The following DPYD variants were observed in gnomAD, a reference collection of about 807,000 sequenced individuals.
DPYD encodes the protein dihydropyrimidine dehydrogenase.
Under a neutral mutation model 116.2 loss-of-function variants are expected in DPYD, and 109 were observed. The ratio of observed to expected loss-of-function variants is 0.94; its 90% CI spans 0.80 to 1.10. DPYD has a LOEUF of 1.10. DPYD is among the 50% of genes least tolerant of loss of function. The pLI is 0.00. For synonymous variants in DPYD, 440 were observed against 432.0 expected (o/e 1.02, Z -0.23); for missense variants, 1,302 against 1,254.5 (o/e 1.04, Z -0.57).
rs1292606031 is a variant in DPYD, at chr1:97,505,279, A to T, written c.1740+10447T>A. Among the ~76,000 whole-genome samples the T allele has an allele frequency of 4.6e-5, 7 of 152,092 alleles. No homozygotes were observed. The East Asian group carries it at 1.4e-3, about 30-fold the overall frequency. Reference sequence around the variant, plus strand: ...CAACAGGTTCCCTGTTTATACAACAACATTTAAATTCCTAACCCCACAGGC... The same window carrying T: ...CAACAGGTTCCCTGTTTATACAACATCATTTAAATTCCTAACCCCACAGGC... On this transcript the variant is annotated intron_variant, in intron 13 of 22. Transcript: ENST00000370192.
At chr1:97,560,103 T>A (rs931433542) in intron 11 of DPYD, among the ~76,000 whole-genome samples, 1 of 152,128 alleles carries the variant, frequency 6.6e-6, no homozygotes, top group East Asian at 1.9e-4. Context: ...AGACCTCAGA[T>A]GAAGGCACTG....
At chr1:97,285,332 T>C (rs572549117) in intron 18 of DPYD, among the ~76,000 whole-genome samples, 1 of 152,344 alleles carries the variant, frequency 6.6e-6, no homozygotes, top group Non-Finnish European at 1.5e-5. Context: ...GGTTCTATCC[T>C]ATGGCATCAG....
At chr1:97,466,804 A>G (rs1677350235) in intron 13 of DPYD, among the ~76,000 whole-genome samples, 1 of 152,194 alleles carries the variant, frequency 6.6e-6, no homozygotes, top group Non-Finnish European at 1.5e-5. Flanking sequence ...CTAATTTTCT[A>G]TAATCCATTA....
At chr1:97,423,734 T>G (rs1674712003) in intron 14 of DPYD, among the ~76,000 whole-genome samples, 1 of 152,172 alleles carries the variant, frequency 6.6e-6, no homozygotes, top group Non-Finnish European at 1.5e-5. Context: ...CCTGACATAC[T>G]GCAGAATCTC....
At chr1:97,131,636 T>A (rs1653351960) in intron 20 of DPYD, among the ~76,000 whole-genome samples, 1 of 152,094 alleles carries the variant, frequency 6.6e-6, no homozygotes, top group African/African-American at 2.4e-5. Context: ...GTTTATAGGA[T>A]CTGAAGAAAC....
intron 14 of DPYD, among the ~76,000 whole-genome samples, chr1:97,400,197 T>C (rs1009505389): frequency 1.3e-5 from 2 of 152,212 alleles, no homozygotes; most frequent in African/African-American, 4.8e-5. Context: ...TCTGCATCTA[T>C]TGAGATAATC....
intron 2 of DPYD, among the ~76,000 whole-genome samples, chr1:97,875,292 A>G (rs1221098142): frequency 2.6e-5 from 4 of 152,014 alleles, no homozygotes. Context: ...TCAGAAACCA[A>G]TACAATATCT....
chr1:97,594,985 C>T, intron 9 of DPYD, 74 bp downstream of exon 9: 1 of 1,230,606 alleles, frequency 8.1e-7, no homozygotes, highest in Non-Finnish European at 1.2e-6. Flanking sequence ...TGCTGCTGAG[C>T]TTGATTTTGA....
intron 20 of DPYD, among the ~76,000 whole-genome samples, chr1:97,186,428 C>T (rs948594738): frequency 6.6e-6 from 1 of 152,156 alleles, no homozygotes; most frequent in Non-Finnish European, 1.5e-5. Flanking sequence ...TTCTACCCTC[C>T]CACCGTTTTG....
intron 14 of DPYD, among the ~76,000 whole-genome samples, chr1:97,387,376 T>G (rs6677502): frequency 2.6e-5 from 4 of 151,932 alleles, no homozygotes; most frequent in East Asian, 1.9e-4. Flanking sequence ...TTTCTTGAGC[T>G]CCACTATATG....
At chr1:97,442,455 G>A in intron 14 of DPYD, among the ~76,000 whole-genome samples, 1 of 151,076 alleles carries the variant, frequency 6.6e-6, no homozygotes, top group Non-Finnish European at 1.5e-5. Context: ...TCACAGAACT[G>A]TGAGCCATAT....
chr1:97,428,595 A>C (rs1675003534), intron 14 of DPYD, among the ~76,000 whole-genome samples: 1 of 152,072 alleles, frequency 6.6e-6, no homozygotes, highest in Non-Finnish European at 1.5e-5. Context: ...GCTAGTAGGC[A>C]GCTAAGACTA....
chr1:97,645,760 G>A (rs772843234), intron 8 of DPYD, among the ~76,000 whole-genome samples: 1 of 151,966 alleles, frequency 6.6e-6, no homozygotes, highest in Non-Finnish European at 1.5e-5. Flanking sequence ...CTGTTGATCT[G>A]TGTACAATAA....
At chr1:97,823,571 T>C (rs1250965731) in intron 3 of DPYD, among the ~76,000 whole-genome samples, 8 of 152,184 alleles carry the variant, frequency 5.3e-5, no homozygotes, top group South Asian at 4.1e-4. Flanking sequence ...AAATTCCACA[T>C]AAAAGTGAGA....
At chr1:97,379,220 G>C (rs1247238560) in intron 15 of DPYD, among the ~76,000 whole-genome samples, 1 of 152,154 alleles carries the variant, frequency 6.6e-6, no homozygotes, top group Non-Finnish European at 1.5e-5. Context: ...GAAGGCAGCG[G>C]GATCTGGAAT....
chr1:97,819,799 AC>A (rs1392373772), intron 3 of DPYD, among the ~76,000 whole-genome samples: 1 of 152,070 alleles, frequency 6.6e-6, no homozygotes, highest in African/African-American at 2.4e-5. Context: ...TAATGAATAC[AC>A]CTGAAAGGCA....
intron 8 of DPYD, among the ~76,000 whole-genome samples, chr1:97,638,440 A>T (rs1657692564): frequency 6.6e-6 from 1 of 152,142 alleles, no homozygotes; most frequent in Non-Finnish European, 1.5e-5. Flanking sequence ...ATTAATGGCC[A>T]TCAACAAGCT....
At chr1:97,165,910 G>GT (rs1258817316) in intron 20 of DPYD, among the ~76,000 whole-genome samples, 1 of 134,032 alleles carries the variant, frequency 7.5e-6, no homozygotes, top group African/African-American at 3.0e-5. Flanking sequence ...CTATTAAAAA[G>GT]TTAAAAAAAA....
chr1:97,475,643 T>C (rs969872896), intron 13 of DPYD, among the ~76,000 whole-genome samples: 4 of 152,220 alleles, frequency 2.6e-5, no homozygotes, highest in African/African-American at 9.6e-5. Flanking sequence ...CTGTCACATC[T>C]ACTCTGCAAC....
Sources: gnomAD v4.1 joint callset for allele counts (sites outside exome capture counted in the v4.1 genomes callset) on GRCh38, gnomAD v4.1.1 for gene constraint, MANE v1.5 for transcripts, NCBI Gene and HGNC (gene_info 2026-07-23, HGNC 2026-07-21) for gene names.